GABRG3: variants seen among roughly 807,000 people sequenced by gnomAD.
The protein encoded by GABRG3 is gamma-aminobutyric acid receptor subunit gamma-3.
A neutral mutation model predicts 48.8 loss-of-function variants in GABRG3; 25 were observed. That is an observed-to-expected ratio of 0.51 (90% CI 0.37 to 0.72). The LOEUF is 0.72. GABRG3 is among the 30% of genes least tolerant of loss of function. GABRG3 has a pLI of 0.00. For missense variants in GABRG3, 394 were observed against 577.9 expected, an observed-to-expected ratio of 0.68 and a Z score of 3.26; for synonymous variants, 227 against 217.6, an observed-to-expected ratio of 1.04 and a Z score of -0.38.
intron 3 of GABRG3, among the ~76,000 whole-genome samples, chr15:27,181,141 G>A (rs1054524028): frequency 3.9e-5 from 6 of 152,260 alleles, no homozygotes; most frequent in East Asian, 1.9e-4. Flanking sequence ...CCTGTGGGGA[G>A]GAGCAGTTTG....
At chr15:27,321,197 C>T (rs1442721039) in intron 3 of GABRG3, among the ~76,000 whole-genome samples, 3 of 152,222 alleles carry the variant, frequency 2.0e-5, no homozygotes, top group Non-Finnish European at 4.4e-5. Flanking sequence ...TCCCCTGGTG[C>T]GGGGCCTTCA....
intron 3 of GABRG3, among the ~76,000 whole-genome samples, chr15:27,072,363 C>T (rs972899231): frequency 1.3e-5 from 2 of 152,164 alleles, no homozygotes; most frequent in Admixed American, 6.6e-5. Flanking sequence ...CCTTCATTTC[C>T]TTTTCTTCAT....
intron 3 of GABRG3, among the ~76,000 whole-genome samples, chr15:27,309,543 G>T (rs1293136260): frequency 2.0e-5 from 3 of 152,030 alleles, no homozygotes. Context: ...AGGATATAAG[G>T]ATGACAAATA....
intron 2 of GABRG3, among the ~76,000 whole-genome samples, chr15:26,986,456 C>T (rs961021719): frequency 6.6e-6 from 1 of 152,102 alleles, no homozygotes; most frequent in African/African-American, 2.4e-5. Context: ...CACACGTTGG[C>T]GGCTGAACTT....
intron 3 of GABRG3, among the ~76,000 whole-genome samples, chr15:27,057,239 G>GC (rs1400291115): frequency 2.0e-5 from 3 of 152,046 alleles, no homozygotes; most frequent in African/African-American, 7.2e-5. Context: ...TGCTTCTTGT[G>GC]CCCATTGTGG....
intron 3 of GABRG3, among the ~76,000 whole-genome samples, chr15:27,041,555 A>G (rs1217093034): frequency 6.6e-6 from 1 of 152,240 alleles, no homozygotes; most frequent in East Asian, 1.9e-4. Flanking sequence ...GTGGCTATCC[A>G]GTAAATACTT....
At chr15:27,113,477 G>A (rs925454813) in intron 3 of GABRG3, among the ~76,000 whole-genome samples, 6 of 152,168 alleles carry the variant, frequency 3.9e-5, no homozygotes, top group Admixed American at 3.9e-4. Flanking sequence ...CTGCAGTGGT[G>A]TAGTGACCCA....
intron 5 of GABRG3, among the ~76,000 whole-genome samples, chr15:27,410,950 G>A (rs955386916): frequency 3.3e-5 from 5 of 151,554 alleles, no homozygotes; most frequent in African/African-American, 1.2e-4. Flanking sequence ...TCATTCTAAA[G>A]TTCGTCTTTC....
intron 3 of GABRG3, among the ~76,000 whole-genome samples, chr15:27,247,224 G>C (rs533762704): frequency 6.6e-6 from 1 of 152,160 alleles, no homozygotes; most frequent in East Asian, 1.9e-4. Context: ...ATAGGCATGA[G>C]CCACCCTGCC....
chr15:27,091,355 C>T (rs546937848), intron 3 of GABRG3, among the ~76,000 whole-genome samples: 5 of 152,286 alleles, frequency 3.3e-5, no homozygotes, highest in African/African-American at 1.2e-4. Flanking sequence ...TAATCCCTTA[C>T]ATGCTACTGG....
intron 3 of GABRG3, among the ~76,000 whole-genome samples, chr15:27,234,251 C>T (rs1169674580): frequency 2.6e-5 from 4 of 152,170 alleles, no homozygotes; most frequent in Non-Finnish European, 4.4e-5. Context: ...CCCACAGAAG[C>T]CAGTGCTGCA....
At chr15:27,516,862 G>C (rs1032730585) in intron 6 of GABRG3, among the ~76,000 whole-genome samples, 2 of 152,222 alleles carry the variant, frequency 1.3e-5, no homozygotes, top group African/African-American at 2.4e-5. Flanking sequence ...ATTGAGAATG[G>C]ATTGCTATCT....
intron 3 of GABRG3, among the ~76,000 whole-genome samples, chr15:27,285,726 A>G (rs772662473): frequency 6.6e-6 from 1 of 152,152 alleles, no homozygotes; most frequent in East Asian, 1.9e-4. Flanking sequence ...TTCTGACTAC[A>G]GAATCTTTAT....
intron 3 of GABRG3, among the ~76,000 whole-genome samples, chr15:27,192,132 AC>A (rs1409268002): frequency 6.6e-6 from 1 of 151,402 alleles, no homozygotes; most frequent in Non-Finnish European, 1.5e-5. Context: ...GGGTAACCCG[AC>A]CTTTCTCTCT....
intron 3 of GABRG3, among the ~76,000 whole-genome samples, chr15:27,275,058 T>G (rs560682231): frequency 6.6e-6 from 1 of 152,254 alleles, no homozygotes; most frequent in East Asian, 1.9e-4. Flanking sequence ...AACCTGAACT[T>G]GGAGCCACAG....
chr15:27,414,712 C>A (rs1887892285), intron 5 of GABRG3, among the ~76,000 whole-genome samples: 1 of 152,158 alleles, frequency 6.6e-6, no homozygotes, highest in African/African-American at 2.4e-5. Flanking sequence ...CATGAGCTGT[C>A]ATGTCCCATG....
At chr15:27,212,249 C>T (rs1889102895) in intron 3 of GABRG3, among the ~76,000 whole-genome samples, 1 of 152,180 alleles carries the variant, frequency 6.6e-6, no homozygotes. Context: ...TACATGTAAT[C>T]TACTGACAGG....
intron 3 of GABRG3, among the ~76,000 whole-genome samples, chr15:27,323,772 C>T (rs1010162398): frequency 6.6e-6 from 1 of 152,170 alleles, no homozygotes; most frequent in Non-Finnish European, 1.5e-5. Flanking sequence ...CCCCAGAACC[C>T]TTTCCCTCCT....
intron 5 of GABRG3, chr15:27,362,746 G>C (rs531770802): frequency 6.6e-6 from 1 of 152,326 alleles, no homozygotes; most frequent in South Asian, 2.1e-4. Flanking sequence ...ATCATGTTCA[G>C]GTTTAAGTTA....
Sources: allele counts gnomAD v4.1 joint callset (sites outside exome capture counted in the v4.1 genomes callset), GRCh38; gene constraint gnomAD v4.1.1; transcripts MANE v1.5; gene names NCBI Gene and HGNC (gene_info 2026-07-23, HGNC 2026-07-21).